The following KIAA0586 variants were observed in gnomAD, a reference collection of about 807,000 sequenced individuals.
The protein encoded by KIAA0586 is KIAA0586, also known as protein TALPID3.
In KIAA0586, 144 loss-of-function variants were observed where a neutral mutation model predicts 169.8. That is an observed-to-expected ratio of 0.85 (90% CI 0.74 to 0.97). KIAA0586 has a LOEUF of 0.97. Among genes scored for constraint, KIAA0586 ranks in the 50% least tolerant of loss-of-function variants. The pLI is 0.00. For synonymous variants in KIAA0586, 625 were observed against 612.4 expected (o/e 1.02, Z -0.30); for missense variants, 1,854 against 1,823.0 (o/e 1.02, Z -0.31).
At position 58,445,150 on chromosome 14, in the gene KIAA0586, T is replaced by C. The variant is rs545435622; in HGVS notation, c.807+975T>C. 2.5e-4 allele frequency among the ~76,000 whole-genome samples: 36 copies of C among 146,210 alleles called. No homozygotes were observed. The East Asian group carries it at 5.6e-3, about 23-fold the overall frequency. On this transcript the variant is annotated intron_variant, in intron 6 of 30. Transcript: ENST00000652326. ...ATACACACACACACACACACACACA[T>C]ATACACATACACAAACACACATGCT...
intron 8 of KIAA0586, among the ~76,000 whole-genome samples, chr14:58,451,191 G>A (rs192712302): frequency 4.6e-5 from 7 of 151,624 alleles, no homozygotes; most frequent in Non-Finnish European, 7.4e-5. Context: ...GGGTTTCACC[G>A]TGTTAGCCAG....
rs578186992 is a variant in KIAA0586, at chr14:58,439,815, C to T, written c.411-2891C>T. ...AGAGTTCTGTGATGCCCTTAAAAGT[C>T]GACGGGGAAGTCCAGCAGCTGGAGA... On this transcript the variant is annotated intron_variant, in intron 4 of 30. Transcript: ENST00000652326. The T allele has an allele frequency of 2.0e-4, 199 of 983,744 alleles. 1 individual carries two copies. The highest frequency in any genetic ancestry group is 2.3e-4 in the Non-Finnish European group (187 of 828,486). The allele number at this position is 983,744 out of a possible 1,614,324, so 60.9% of individuals were successfully genotyped here. A position where few individuals can be genotyped will look rare whatever the true frequency, so the allele number is the denominator to read the frequency against.
chr14:58,474,199 C>A (rs2041436891), intron 18 of KIAA0586, among the ~76,000 whole-genome samples: 1 of 152,120 alleles, frequency 6.6e-6, no homozygotes, highest in African/African-American at 2.4e-5. Context: ...CCACCAGGCC[C>A]CATCTCCAAC....
chr14:58,513,751 C>T (rs969282212), intron 29 of KIAA0586, among the ~76,000 whole-genome samples: 5 of 152,004 alleles, frequency 3.3e-5, no homozygotes, highest in East Asian at 3.8e-4. Flanking sequence ...ACTGAGTTCT[C>T]ATTTATGAAC....
rs146424411 is a variant in KIAA0586, at chr14:58,508,438, C to T, written c.4169-117C>T. On this transcript the variant is annotated intron_variant, in intron 27 of 30. Transcript: ENST00000652326. ...TCCAGGTGTTTTTGTTTGAAGTACA[C>T]TGCTAGTTCTAATTCAGCAGGTGAG... 1,995 of 778,758 alleles carry T rather than the reference C, an allele frequency of 2.6e-3. 5 individuals are homozygous for T. Among genetic ancestry groups the T allele is most frequent in the Non-Finnish European group, 3.6e-3 (1,786 of 493,454 alleles). The allele number at this position is 778,758 out of a possible 1,614,324, so 48.2% of individuals were successfully genotyped here. A position where few individuals can be genotyped will look rare whatever the true frequency, so the allele number is the denominator to read the frequency against.
At chr14:58,447,154 A>G (rs2038963692) in intron 6 of KIAA0586, among the ~76,000 whole-genome samples, 1 of 152,222 alleles carries the variant, frequency 6.6e-6, no homozygotes, top group South Asian at 2.1e-4. Context: ...TTAGTTGTTC[A>G]GTAAATGCTT....
Position 58,448,364 on chromosome 14 carries a change from A to G in KIAA0586, c.832A>G (p.Lys278Glu), listed in dbSNP as rs769369839. The G allele has an allele frequency of 1.9e-6, 3 of 1,598,538 alleles. No individual in the cohort carries two copies. The highest frequency in any genetic ancestry group is 2.6e-6 in the Non-Finnish European group (3 of 1,168,102). Residue 278 changes from lysine to glutamate, a missense_variant, in exon 7 of 31, where the codon AAG becomes GAG. Physicochemically the swap from Lys to Glu is moderately conservative, Grantham distance 56. Coordinates refer to ENST00000652326, the MANE Select transcript of KIAA0586 (RefSeq NM_001329943.3). ...IQTHFISAAL[K>E]TSSFQPVSMP... is the part of the protein sequence containing the mutation. The stretch of plus-strand genomic sequence containing the variant: ...GACTCATTTTATTAGTGCTGCACTC[A>G]AGACTAGTAGTTTTCAGCCTGTTAG...
downstream of KIAA0586, among the ~76,000 whole-genome samples, chr14:58,554,258 T>G (rs1355960989): frequency 6.6e-6 from 1 of 152,114 alleles, no homozygotes; most frequent in African/African-American, 2.4e-5. Flanking sequence ...AGACTGTATT[T>G]CTTGGTGGGC....
rs369935221 is a variant in KIAA0586, at chr14:58,508,592, A to C, written c.4206A>C (p.Pro1402=). The change falls in exon 28 of 31, where the codon CCA becomes CCC. Residue 1402 remains proline, a synonymous_variant. Coordinates refer to ENST00000652326, the MANE Select transcript of KIAA0586 (RefSeq NM_001329943.3). ...AAGATTCATGTGCTAGTCATGGTCC[A>C]ATGAGTTTGGGAGAATTGGAGTTGG... is the stretch of plus-strand genomic sequence containing the variant. ...IYEDSCASHG[P]MSLGELELEP... 33 of 1,598,392 alleles carry C rather than the reference A, an allele frequency of 2.1e-5. No homozygotes were observed. Among genetic ancestry groups the C allele is most frequent in the Non-Finnish European group, 2.6e-5 (30 of 1,171,810 alleles).
chr14:58,531,344 A>T (rs1006785869), intron 29 of KIAA0586, among the ~76,000 whole-genome samples: 1 of 145,476 alleles, frequency 6.9e-6, no homozygotes, highest in South Asian at 2.1e-4. Context: ...AAAAAAAATA[A>T]AATAAATAAA....
intron 14 of KIAA0586, among the ~76,000 whole-genome samples, chr14:58,464,698 A>G (rs564423796): frequency 4.6e-5 from 7 of 152,286 alleles, no homozygotes; most frequent in African/African-American, 1.2e-4. Context: ...ATGTGTCCCA[A>G]TACCCTCAAT....
downstream of KIAA0586, among the ~76,000 whole-genome samples, chr14:58,554,397 G>C (rs551560394): frequency 1.3e-5 from 2 of 152,192 alleles, no homozygotes; most frequent in South Asian, 2.1e-4. Flanking sequence ...TTCATATAAA[G>C]GTTTGAGTGA....
intron 19 of KIAA0586, among the ~76,000 whole-genome samples, 199 bp downstream of exon 19, chr14:58,474,996 ACT>A (rs1396117037): frequency 6.6e-6 from 1 of 152,176 alleles, no homozygotes; most frequent in African/African-American, 2.4e-5. Context: ...GAATATTTGT[ACT>A]CAATCTGTCT....
rs542449532 is a variant in KIAA0586 at position 58,523,719 on chromosome 14, A to ATATTATTATTAT, written c.4429+11109_4429+11120dup. On this transcript the variant is annotated intron_variant, in intron 29 of 30. Coordinates refer to ENST00000652326, the MANE Select transcript of KIAA0586 (RefSeq NM_001329943.3). Reference sequence around the variant, plus strand: ...GAGTAGCATCTGATCTTTTAATTGAATATTATTATTATTATTATTATTATT... The same window carrying ATATTATTATTAT: ...GAGTAGCATCTGATCTTTTAATTGAATATTATTATTATTATTATTATTATTATTATTATTATT... Among the ~76,000 whole-genome samples, 163 of 149,036 alleles carry ATATTATTATTAT rather than the reference A, an allele frequency of 1.1e-3. 2 individuals carry two copies. The highest frequency in any genetic ancestry group is 3.5e-3 in the African/African-American group (144 of 40,618).
chr14:58,558,774 G>T, the KIAA0586 span, among the ~76,000 whole-genome samples: 2 of 152,232 alleles, frequency 1.3e-5, no homozygotes, highest in Non-Finnish European at 2.9e-5. Context: ...CAAATCTATA[G>T]TCTTTCCCGT....
At chr14:58,498,094 G>A (rs1020927950) in intron 26 of KIAA0586, among the ~76,000 whole-genome samples, 1 of 151,996 alleles carries the variant, frequency 6.6e-6, no homozygotes, top group African/African-American at 2.4e-5. Flanking sequence ...GGCCTGGATG[G>A]TCTTGATCTC....
At chr14:58,493,559 G>T (rs2042958777) in intron 26 of KIAA0586, among the ~76,000 whole-genome samples, 1 of 151,652 alleles carries the variant, frequency 6.6e-6, no homozygotes, top group African/African-American at 2.4e-5. Flanking sequence ...CAAGGAGATG[G>T]TTGGTTTTAT....
At chr14:58,528,882 C>T (rs2139980935) in intron 29 of KIAA0586, among the ~76,000 whole-genome samples, 1 of 152,160 alleles carries the variant, frequency 6.6e-6, no homozygotes, top group South Asian at 2.1e-4. Context: ...GATAGAGACA[C>T]ACAAAACCCT....
rs919541698 is a variant in KIAA0586, at chr14:58,459,791, A to G, written c.1657-52A>G. ...AAATTCTAATACTTTCTGATGTGAA[A>G]GCATTACTATTTGTAGACATTTTAA... On this transcript the variant is annotated intron_variant, in intron 12 of 30. Coordinates refer to ENST00000652326, the MANE Select transcript of KIAA0586 (RefSeq NM_001329943.3). The G allele has an allele frequency of 1.6e-5, 16 of 999,264 alleles. No homozygotes were observed. The African/African-American group carries it at 2.1e-4, about 13-fold the overall frequency. 61.9% of individuals were successfully genotyped at this position (999,264 alleles called of 1,614,324 possible). A position where few individuals can be genotyped will look rare whatever the true frequency, so the allele number is the denominator to read the frequency against.
Sources: gnomAD v4.1 joint callset for allele counts (sites outside exome capture counted in the v4.1 genomes callset) on GRCh38, gnomAD v4.1.1 for gene constraint, MANE v1.5 for transcripts, NCBI Gene and HGNC (gene_info 2026-07-23, HGNC 2026-07-21) for gene names.